EIF2B3: variants seen among roughly 807,000 people sequenced by gnomAD.
EIF2B3 encodes translation initiation factor eIF2B subunit gamma.
A neutral mutation model predicts 54.1 loss-of-function variants in EIF2B3; 20 were observed. That is an observed-to-expected ratio of 0.37 (90% confidence interval 0.26 to 0.54). The LOEUF is 0.54. EIF2B3 is among the 20% of genes least tolerant of loss of function. The probability of loss-of-function intolerance (pLI) is 0.86; values close to 1 mark genes in which losing one functional copy is unlikely to be tolerated. For missense variants in EIF2B3, 448 were observed against 547.8 expected (o/e 0.82, Z 1.82); for synonymous variants, 153 against 188.1 (o/e 0.81, Z 1.52).
chr1:44,972,250 A>AACAC (rs765384486), intron 3 of EIF2B3, among the ~76,000 whole-genome samples: 12 of 86,516 alleles, frequency 1.4e-4, no homozygotes, highest in Admixed American at 4.0e-4. Context: ...CACACACACA[A>AACAC]ACACACACAC....
At chr1:44,946,402 G>C (rs1265185608) in intron 3 of EIF2B3, among the ~76,000 whole-genome samples, 2 of 149,336 alleles carry the variant, frequency 1.3e-5, no homozygotes, top group Non-Finnish European at 3.0e-5. Context: ...CTCAGAAGAA[G>C]AAAGAAAGGA....
chr1:44,930,492 T>G (rs1643887482), intron 4 of EIF2B3, among the ~76,000 whole-genome samples: 2 of 152,340 alleles, frequency 1.3e-5, no homozygotes, highest in African/African-American at 4.8e-5. Flanking sequence ...TGTTTTGAGT[T>G]TAGACTTCAA....
intron 3 of EIF2B3, among the ~76,000 whole-genome samples, chr1:44,948,083 G>T (rs1231728309): frequency 6.6e-6 from 1 of 152,170 alleles, no homozygotes; most frequent in Non-Finnish European, 1.5e-5. Flanking sequence ...GCTTGGAAAA[G>T]ATTCCAGTCT....
chr1:44,901,964 A>G lies in EIF2B3; in HGVS notation c.567-4520T>C, dbSNP rs1643315874. 2.0e-5 allele frequency among the ~76,000 whole-genome samples: 3 copies of G among 152,102 alleles called. No homozygotes were observed. The South Asian group carries it at 6.2e-4, about 31-fold the overall frequency. On this transcript the variant is annotated intron_variant, in intron 5 of 11. Coordinates refer to ENST00000360403, the MANE Select transcript of EIF2B3 (RefSeq NM_020365.5). ...AGCTCTCATGTTAGGTCTGTAATCC[A>G]TTTTCTTTTTTCTGTATGGAGTGAG...
chr1:44,901,327 G>C (rs1027681634), intron 5 of EIF2B3, among the ~76,000 whole-genome samples: 2 of 152,114 alleles, frequency 1.3e-5, no homozygotes, highest in Admixed American at 6.5e-5. Context: ...TGTTGGCCAG[G>C]CTGGTCTCAA....
At chr1:44,935,501 A>G (rs1557693255) in intron 4 of EIF2B3, among the ~76,000 whole-genome samples, 1 of 152,066 alleles carries the variant, frequency 6.6e-6, no homozygotes, top group Admixed American at 6.6e-5. Context: ...GCTTTTATAA[A>G]TTCTTTTTTT....
In EIF2B3 at chr1:44,874,749, T is replaced by C. The variant is rs774443617; in HGVS notation, c.1131A>G (p.Ser377=). 1 of 1,614,184 alleles carries C rather than the reference T, an allele frequency of 6.2e-7. No homozygotes were observed. The highest frequency in any genetic ancestry group is 8.5e-7 in the Non-Finnish European group (1 of 1,180,028). ...KSSIKRSVIG[S]SCLIKDRVTI... is the part of the protein sequence containing the mutation. ...TCACTCTATCTTTTATGAGACAGGATGAGCCAATGACTGAGCGCTTAATGG... is the reference window on the plus strand; with the variant it reads ...TCACTCTATCTTTTATGAGACAGGACGAGCCAATGACTGAGCGCTTAATGG... The change falls in exon 10 of 12, where the codon TCA becomes TCG. Residue 377 remains serine, a synonymous_variant. Coordinates refer to ENST00000360403, the MANE Select transcript of EIF2B3 (RefSeq NM_020365.5).
chr1:44,978,550 T>C, intron 2 of EIF2B3, 90 bp from the exon 3 acceptor site: 1 of 1,356,462 alleles, frequency 7.4e-7, no homozygotes, highest in Non-Finnish European at 1.0e-6. Context: ...GGTCTATTTC[T>C]AGGTGTAATA....
At chr1:44,975,571 T>G (rs768406788) in intron 3 of EIF2B3, among the ~76,000 whole-genome samples, 25 of 152,204 alleles carry the variant, frequency 1.6e-4, no homozygotes, top group Non-Finnish European at 2.4e-4. Flanking sequence ...AAATATGGTA[T>G]TACAATCTTA....
chr1:44,954,898 A>G (rs887340730), intron 3 of EIF2B3, among the ~76,000 whole-genome samples: 1 of 152,172 alleles, frequency 6.6e-6, no homozygotes, highest in Admixed American at 6.5e-5. Flanking sequence ...ACGTTCCATC[A>G]ATACCTAGTT....
At chr1:44,875,774 C>T in intron 8 of EIF2B3, 79 bp from the exon 9 acceptor site, 1 of 1,108,262 alleles carries the variant, frequency 9.0e-7, no homozygotes, top group East Asian at 2.4e-5. Flanking sequence ...TCTACCTCTC[C>T]CACTCCCCCT....
At chr1:44,945,723 A>AGAC (rs1644094810) in intron 3 of EIF2B3, among the ~76,000 whole-genome samples, 1 of 152,176 alleles carries the variant, frequency 6.6e-6, no homozygotes, top group Non-Finnish European at 1.5e-5. Flanking sequence ...AAAGACAAGG[A>AGAC]GACAAATCAT....
At chr1:44,865,801 C>T (rs1056197371) in intron 10 of EIF2B3, among the ~76,000 whole-genome samples, 3 of 152,002 alleles carry the variant, frequency 2.0e-5, no homozygotes, top group South Asian at 2.1e-4. Context: ...ACTCCTGACT[C>T]AGGTGATCTA....
intron 3 of EIF2B3, among the ~76,000 whole-genome samples, chr1:44,977,720 C>T (rs567510905): frequency 5.5e-4 from 84 of 152,296 alleles, no homozygotes; most frequent in Middle Eastern, 6.8e-3. Context: ...CTGCCTTGGC[C>T]TCCCAAAGGG....
At chr1:44,948,708 C>A (rs1644129875) in intron 3 of EIF2B3, among the ~76,000 whole-genome samples, 1 of 152,070 alleles carries the variant, frequency 6.6e-6, no homozygotes, top group Admixed American at 6.6e-5. Context: ...TTGAGTACAG[C>A]CTATTTTGGA....
rs756556008 is a variant in EIF2B3 at position 44,874,861 on chromosome 1, A to G, written c.1054-35T>C. On this transcript the variant is annotated intron_variant, in intron 9 of 11. Transcript: ENST00000360403. ...GCAAAATATAAAACTCTGTCCACCC[A>G]TCTCAACCAACTGCAAACCACCCTC... 4 of 1,613,718 alleles carry G rather than the reference A, an allele frequency of 2.5e-6. No individual in the cohort carries two copies. The East Asian group carries it at 6.7e-5, about 27-fold the overall frequency.
chr1:44,877,220 A>AAAAAAAAAC (rs1557666602), intron 8 of EIF2B3, among the ~76,000 whole-genome samples: 1 of 148,572 alleles, frequency 6.7e-6, no homozygotes, highest in African/African-American at 2.5e-5. Flanking sequence ...AAAAAAAAAA[A>AAAAAAAAAC]AACACCTTAG....
chr1:44,954,365 C>T (rs1644200731), intron 3 of EIF2B3, among the ~76,000 whole-genome samples: 1 of 152,202 alleles, frequency 6.6e-6, no homozygotes, highest in South Asian at 2.1e-4. Flanking sequence ...TATCCATGAG[C>T]ATGGAATGTT....
chr1:44,967,739 CAAAA>C (rs35067923), intron 3 of EIF2B3, among the ~76,000 whole-genome samples: 17 of 49,542 alleles, frequency 3.4e-4, no homozygotes, highest in Non-Finnish European at 5.5e-4. Flanking sequence ...ATGCTGTCTT[CAAAA>C]AAAAAAAAAA....
Sources: gnomAD v4.1 joint callset for allele counts (sites outside exome capture counted in the v4.1 genomes callset) on GRCh38, gnomAD v4.1.1 for gene constraint, MANE v1.5 for transcripts, NCBI Gene and HGNC (gene_info 2026-07-23, HGNC 2026-07-21) for gene names.